Variants in CSMD3 observed in about 807,000 individuals in gnomAD.
CSMD3 encodes CUB and sushi domain-containing protein 3.
In CSMD3, 177 loss-of-function variants were observed where a neutral mutation model predicts 435.2. The observed-to-expected ratio is 0.41, with a 90% CI of 0.36 to 0.46. CSMD3 has a LOEUF of 0.46. Ranked by LOEUF, CSMD3 falls within the 20% of genes least tolerant of loss-of-function variation. The pLI, the probability that CSMD3 is intolerant of heterozygous loss-of-function variation, is 0.34. For missense variants in CSMD3, 4,265 were observed against 4,504.6 expected (o/e 0.95, Z 1.52); for synonymous variants, 1,656 against 1,520.5 (o/e 1.09, Z -2.07).
intron 8 of CSMD3, among the ~76,000 whole-genome samples, chr8:112,953,295 CTGG>C (rs1384842816): frequency 6.6e-6 from 1 of 151,358 alleles, no homozygotes; most frequent in Non-Finnish European, 1.5e-5. Flanking sequence ...GTCATCTCAC[CTGG>C]TGATTTTTTA....
chr8:112,674,431 A>C (rs2075727409), intron 16 of CSMD3, among the ~76,000 whole-genome samples: 1 of 152,014 alleles, frequency 6.6e-6, no homozygotes, highest in Non-Finnish European at 1.5e-5. Flanking sequence ...GTTGTTTGCA[A>C]AGGCCAAGAG....
In CSMD3 at chr8:112,492,570, G is replaced by T. The variant is rs267601731; in HGVS notation, c.5197C>A (p.Leu1733Ile). The T allele has an allele frequency of 6.2e-7, 1 of 1,613,688 alleles. No individual in the cohort carries two copies. The highest frequency in any genetic ancestry group is 8.5e-7 in the Non-Finnish European group (1 of 1,179,664). The change falls in exon 31 of 71, where the codon CTT becomes ATT. Residue 1733 changes from leucine (L) to isoleucine (I), a missense_variant. By Grantham distance (5) the Leu-to-Ile change is conservative. This residue lies in a region of CSMD3 where 3,255 missense variants were observed against 3,380.2 expected (regional missense o/e 0.96). Coordinates refer to ENST00000297405, the MANE Select transcript of CSMD3 (RefSeq NM_198123.2). ...CAGGTGAGTGTTGAATAACCTTGAAGAACATAACCAGCATCACAGTAATAG... is the reference window on the plus strand; with the variant it reads ...CAGGTGAGTGTTGAATAACCTTGAATAACATAACCAGCATCACAGTAATAG... ...VTYYCDAGYV[L>I]QGYSTLTCIM...
intron 27 of CSMD3, among the ~76,000 whole-genome samples, chr8:112,534,874 A>C (rs1021963441): frequency 6.6e-6 from 1 of 152,188 alleles, no homozygotes; most frequent in Non-Finnish European, 1.5e-5. Context: ...GGCTGGTTCA[A>C]TATATGCAAA....
chr8:112,435,883 T>C (rs2130447994), intron 32 of CSMD3, among the ~76,000 whole-genome samples: 1 of 152,168 alleles, frequency 6.6e-6, no homozygotes, highest in Middle Eastern at 3.4e-3. Context: ...TCTCAAAAAC[T>C]CTGAAAAGAT....
intron 13 of CSMD3, among the ~76,000 whole-genome samples, chr8:112,796,958 C>T (rs547744885): frequency 3.3e-5 from 5 of 151,978 alleles, no homozygotes; most frequent in East Asian, 3.9e-4. Context: ...AACAGAAACA[C>T]GAAATGAATC....
At chr8:112,416,851 G>T (rs1811966909) in intron 32 of CSMD3, among the ~76,000 whole-genome samples, 1 of 152,078 alleles carries the variant, frequency 6.6e-6, no homozygotes, top group Admixed American at 6.6e-5. Context: ...TAAGGGAAGA[G>T]ATTCAAATCC....
intron 45 of CSMD3, among the ~76,000 whole-genome samples, chr8:112,320,302 C>T (rs1189383305): frequency 1.3e-5 from 2 of 152,146 alleles, no homozygotes; most frequent in East Asian, 3.9e-4. Context: ...TGCTTACTTG[C>T]TCTGTGCCTA....
At chr8:112,337,755 A>AT (rs1382503822) in intron 42 of CSMD3, 24 bp from the exon 43 acceptor site, 4 of 1,590,308 alleles carry the variant, frequency 2.5e-6, no homozygotes, top group East Asian at 2.2e-5. Flanking sequence ...AAAGAAAGAC[A>AT]TTTTTTCTTT....
At chr8:113,119,108 G>T (rs1468018034) in intron 4 of CSMD3, among the ~76,000 whole-genome samples, 1 of 152,080 alleles carries the variant, frequency 6.6e-6, no homozygotes, top group Non-Finnish European at 1.5e-5. Context: ...TTAAAAATAG[G>T]CTACCTCTCA....
intron 32 of CSMD3, among the ~76,000 whole-genome samples, chr8:112,440,381 G>A (rs1232049450): frequency 6.6e-6 from 1 of 152,074 alleles, no homozygotes; most frequent in Non-Finnish European, 1.5e-5. Context: ...GCAGGGTATA[G>A]CCACCCCTCC....
chr8:112,803,797 C>T (rs745648051), intron 12 of CSMD3, among the ~76,000 whole-genome samples: 5 of 152,076 alleles, frequency 3.3e-5, no homozygotes, highest in Non-Finnish European at 7.4e-5. Flanking sequence ...GCTTCTTTTC[C>T]CTGCTTCCCA....
intron 27 of CSMD3, among the ~76,000 whole-genome samples, chr8:112,527,776 T>C (rs1232606145): frequency 6.6e-6 from 1 of 152,112 alleles, no homozygotes. Context: ...AGACTTTATT[T>C]TGACTTCATG....
At chr8:112,388,573 T>C (rs1830155281) in intron 36 of CSMD3, among the ~76,000 whole-genome samples, 1 of 152,182 alleles carries the variant, frequency 6.6e-6, no homozygotes, top group Non-Finnish European at 1.5e-5. Flanking sequence ...GAGAAAGTTC[T>C]ATAGTTTTGA....
chr8:112,504,970 A>G (rs1006918231), intron 29 of CSMD3, among the ~76,000 whole-genome samples: 2 of 152,168 alleles, frequency 1.3e-5, no homozygotes, highest in Non-Finnish European at 2.9e-5. Flanking sequence ...AAGTTTTATC[A>G]TATTTGCCTG....
intron 34 of CSMD3, 79 bp downstream of exon 34, chr8:112,408,239 C>A: frequency 1.0e-6 from 1 of 954,510 alleles, no homozygotes; most frequent in South Asian, 1.3e-5. Context: ...TAGAGGATTT[C>A]ATCATTCAAA....
chr8:113,350,255 A>T (rs1438613779), intron 1 of CSMD3, among the ~76,000 whole-genome samples: 1 of 152,046 alleles, frequency 6.6e-6, no homozygotes, highest in Non-Finnish European at 1.5e-5. Context: ...CGTTGTTTTT[A>T]AGTCATTAAT....
chr8:113,268,428 A>C (rs1487237658), intron 3 of CSMD3, among the ~76,000 whole-genome samples: 2 of 151,962 alleles, frequency 1.3e-5, no homozygotes, highest in Non-Finnish European at 2.9e-5. Context: ...ACTTTGGGAA[A>C]TTCAAGTGTA....
chr8:113,163,514 C>A (rs1172032508), intron 4 of CSMD3, among the ~76,000 whole-genome samples: 4 of 130,230 alleles, frequency 3.1e-5, no homozygotes, highest in African/African-American at 1.1e-4. Flanking sequence ...ATTGAATTTT[C>A]TATATAAAAT....
At chr8:112,929,807 A>G (rs547844846) in intron 9 of CSMD3, among the ~76,000 whole-genome samples, 29 of 152,250 alleles carry the variant, frequency 1.9e-4, no homozygotes, top group Non-Finnish European at 3.5e-4. Context: ...ATTACAATAT[A>G]CATACACTTA....
Sources: allele counts gnomAD v4.1 joint callset (sites outside exome capture counted in the v4.1 genomes callset), GRCh38; gene constraint gnomAD v4.1.1; regional missense constraint gnomAD v4.1.1; transcripts MANE v1.5; gene names NCBI Gene and HGNC (gene_info 2026-07-23, HGNC 2026-07-21).